The following SUMF1 variants were observed in gnomAD, a reference collection of about 807,000 sequenced individuals.
SUMF1 encodes the protein formylglycine-generating enzyme.
Under a neutral mutation model 47.6 loss-of-function variants are expected in SUMF1, and 48 were observed. The ratio of observed to expected loss-of-function variants is 1.01; its 90% confidence interval spans 0.80 to 1.28. The LOEUF is 1.28. Ranked by LOEUF, SUMF1 falls within the 50% of genes most tolerant of loss-of-function variation. SUMF1 has a pLI of 0.00. For missense variants in SUMF1, 571 were observed against 485.4 expected (o/e 1.18, Z -1.66); for synonymous variants, 230 against 192.1 (o/e 1.20, Z -1.63).
chr3:4,114,013 G>T (rs1693368671), intron 8 of SUMF1, among the ~76,000 whole-genome samples: 1 of 151,970 alleles, frequency 6.6e-6, no homozygotes, highest in Non-Finnish European at 1.5e-5. Context: ...GATGCTGATT[G>T]GACGTTTCTG....
chr3:4,318,917 A>G (rs182930854), intron 8 of SUMF1, among the ~76,000 whole-genome samples: 1 of 152,272 alleles, frequency 6.6e-6, no homozygotes, highest in East Asian at 1.9e-4. Context: ...AAAAAACACA[A>G]AAAAAGCCGT....
chr3:4,419,131 G>T (rs1701811824), intron 4 of SUMF1, among the ~76,000 whole-genome samples: 1 of 152,064 alleles, frequency 6.6e-6, no homozygotes, highest in Non-Finnish European at 1.5e-5. Flanking sequence ...TCCCCTTTTG[G>T]GTTTTCCTTC....
chr3:4,145,763 G>A (rs1694179533), intron 8 of SUMF1, among the ~76,000 whole-genome samples: 1 of 152,118 alleles, frequency 6.6e-6, no homozygotes, highest in South Asian at 2.1e-4. Context: ...TAGTTGTTTT[G>A]TATTCAAGAC....
chr3:4,338,520 G>A (rs1339085475), intron 8 of SUMF1, among the ~76,000 whole-genome samples: 2 of 152,078 alleles, frequency 1.3e-5, no homozygotes, highest in Admixed American at 1.3e-4. Flanking sequence ...CAAGAATCTA[G>A]TACATGCTAA....
chr3:4,037,422 A>G (rs1160604501), intron 9 of SUMF1, among the ~76,000 whole-genome samples: 1 of 152,164 alleles, frequency 6.6e-6, no homozygotes, highest in Non-Finnish European at 1.5e-5. Context: ...TGGCCAATAC[A>G]TCGGAATAAA....
At chr3:4,209,750 A>T (rs1695738456) in intron 8 of SUMF1, among the ~76,000 whole-genome samples, 1 of 152,194 alleles carries the variant, frequency 6.6e-6, no homozygotes, top group Non-Finnish European at 1.5e-5. Context: ...TAGAAAGATA[A>T]GCATTTAAAT....
chr3:4,350,124 C>T (rs1699461184), intron 8 of SUMF1, among the ~76,000 whole-genome samples: 1 of 151,788 alleles, frequency 6.6e-6, no homozygotes, highest in South Asian at 2.1e-4. Context: ...CCTCAGCCTC[C>T]CGAGTAGCTG....
At chr3:4,139,893 T>G (rs1003116231) in intron 8 of SUMF1, among the ~76,000 whole-genome samples, 2 of 152,038 alleles carry the variant, frequency 1.3e-5, no homozygotes, top group African/African-American at 4.8e-5. Flanking sequence ...TTTGGGCTAT[T>G]TGAACACATG....
At chr3:4,254,949 G>A (rs1696910227) in intron 8 of SUMF1, among the ~76,000 whole-genome samples, 1 of 151,994 alleles carries the variant, frequency 6.6e-6, no homozygotes, top group South Asian at 2.1e-4. Context: ...AAGAGAGGGG[G>A]GGCCAGTATT....
At chr3:4,087,434 G>C (rs994461433) in intron 8 of SUMF1, among the ~76,000 whole-genome samples, 1 of 152,002 alleles carries the variant, frequency 6.6e-6, no homozygotes, top group African/African-American at 2.4e-5. Context: ...ACTTGCTGAG[G>C]GTCACCTAAA....
chr3:4,249,330 G>T (rs773323998), intron 8 of SUMF1, among the ~76,000 whole-genome samples: 2 of 152,092 alleles, frequency 1.3e-5, no homozygotes, highest in Non-Finnish European at 2.9e-5. Flanking sequence ...TTTACAAATT[G>T]AAAGTTTATA....
intron 8 of SUMF1, among the ~76,000 whole-genome samples, chr3:4,227,493 TG>T (rs1227043810): frequency 6.6e-6 from 1 of 152,124 alleles, no homozygotes; most frequent in East Asian, 1.9e-4. Context: ...CATTCTTCCC[TG>T]TTCCTCCCCG....
rs115001176 is a variant in SUMF1 at position 4,165,871 on chromosome 3, C to G, written c.1015-97126G>C. ...TTTTGATTTGTTTGTTTCCCCCCCC[C>G]CCCCGAGCAAGAACCTGCAATGGTC... On this transcript the variant is annotated intron_variant and NMD_transcript_variant, in intron 8 of 12. Transcript: ENST00000448413. Among the ~76,000 whole-genome samples the G allele has an allele frequency of 4.2e-4, 62 of 147,042 alleles. 1 individual carries two copies. Among genetic ancestry groups the G allele is most frequent in the Middle Eastern group, 3.4e-3 (1 of 292 alleles).
downstream of SUMF1, among the ~76,000 whole-genome samples, chr3:4,356,687 C>T (rs1490080014): frequency 8.5e-5 from 13 of 152,084 alleles, no homozygotes. Flanking sequence ...TTTATTAGGT[C>T]TTCACAGTGT....
intron 8 of SUMF1, among the ~76,000 whole-genome samples, chr3:4,282,430 T>A (rs1697547497): frequency 6.6e-6 from 1 of 152,196 alleles, no homozygotes; most frequent in Non-Finnish European, 1.5e-5. Flanking sequence ...CTACAATAAT[T>A]AGTTAGAATA....
chr3:4,348,168 A>C (rs1699411803), intron 8 of SUMF1, among the ~76,000 whole-genome samples: 1 of 152,200 alleles, frequency 6.6e-6, no homozygotes, highest in African/African-American at 2.4e-5. Flanking sequence ...ACAGAATTAG[A>C]AAAAACTATT....
At chr3:4,208,306 G>C (rs1049677522) in intron 8 of SUMF1, among the ~76,000 whole-genome samples, 1 of 151,856 alleles carries the variant, frequency 6.6e-6, no homozygotes, top group Non-Finnish European at 1.5e-5. Flanking sequence ...CATGGTCCAG[G>C]GACACAGTCT....
intron 8 of SUMF1, among the ~76,000 whole-genome samples, chr3:4,227,410 T>C (rs752731562): frequency 6.6e-6 from 1 of 151,986 alleles, no homozygotes; most frequent in Non-Finnish European, 1.5e-5. Flanking sequence ...TGAAGAAAAA[T>C]AACTGCTTCT....
chr3:4,036,849 C>CAAAAAAAAAAAAAAAAAAAAAAAAAAA lies in SUMF1; in HGVS notation c.1191+31719_1191+31720insTTTTTTTTTTTTTTTTTTTTTTTTTTT. On this transcript the variant is annotated intron_variant and NMD_transcript_variant, in intron 9 of 12. Transcript: ENST00000448413. Reference sequence around the variant, plus strand: ...AGCAGATCTGCTGAGGTCAGTGAGGCAAAAAAAAAAAAAAAAAAAAAAAAG... The same window carrying CAAAAAAAAAAAAAAAAAAAAAAAAAAA: ...AGCAGATCTGCTGAGGTCAGTGAGGCAAAAAAAAAAAAAAAAAAAAAAAAAAAAAAAAAAAAAAAAAAAAAAAAAAAG... Among the ~76,000 whole-genome samples the CAAAAAAAAAAAAAAAAAAAAAAAAAAA allele has an allele frequency of 2.7e-5, 2 of 75,144 alleles. 1 individual carries two copies. The highest frequency in any genetic ancestry group is 5.2e-5 in the Non-Finnish European group (2 of 38,204). The allele number at this position is 75,144 out of a possible 152,430, so 49.3% of individuals were successfully genotyped here.
Sources: gnomAD v4.1 joint callset for allele counts (sites outside exome capture counted in the v4.1 genomes callset) on GRCh38, gnomAD v4.1.1 for gene constraint, MANE v1.5 for transcripts, NCBI Gene and HGNC (gene_info 2026-07-23, HGNC 2026-07-21) for gene names.